The following KLHL32 variants were observed in gnomAD, a reference collection of about 807,000 sequenced individuals.
The protein encoded by KLHL32 is kelch-like protein 32.
A neutral mutation model predicts 64.8 loss-of-function variants in KLHL32; 35 were observed. The observed-to-expected ratio is 0.54, with a 90% CI of 0.41 to 0.72. The LOEUF (loss-of-function observed/expected upper bound fraction) is 0.72. KLHL32 is among the 30% of genes least tolerant of loss of function. The pLI is 0.00. For missense variants in KLHL32, 589 were observed against 768.5 expected (o/e 0.77, Z 2.76); for synonymous variants, 259 against 281.0 (o/e 0.92, Z 0.78).
At chr6:97,057,810 A>C (rs1244488326) in intron 4 of KLHL32, among the ~76,000 whole-genome samples, 2 of 152,070 alleles carry the variant, frequency 1.3e-5, no homozygotes, top group African/African-American at 4.8e-5. Context: ...CTAAAGAGTC[A>C]TTGTCATACC....
chr6:97,068,424 A>G (rs1330827309), intron 5 of KLHL32, among the ~76,000 whole-genome samples: 1 of 152,238 alleles, frequency 6.6e-6, no homozygotes, highest in African/African-American at 2.4e-5. Flanking sequence ...GGCAGTGTGA[A>G]TCCACCAGAA....
chr6:97,039,849 CAAAG>C (rs1456257388), intron 3 of KLHL32, among the ~76,000 whole-genome samples: 3 of 130,310 alleles, frequency 2.3e-5, no homozygotes, highest in East Asian at 2.3e-4. Flanking sequence ...AAACAAAAAA[CAAAG>C]AAAGAAAAGA....
At chr6:97,069,114 C>T (rs988145807) in intron 5 of KLHL32, among the ~76,000 whole-genome samples, 1 of 152,144 alleles carries the variant, frequency 6.6e-6, no homozygotes, top group Non-Finnish European at 1.5e-5. Context: ...GTTCTGTTTA[C>T]AGCGTGCACA....
At chr6:96,925,830 TTC>T (rs927389490) in intron 1 of KLHL32, among the ~76,000 whole-genome samples, 7 of 152,248 alleles carry the variant, frequency 4.6e-5, no homozygotes, top group African/African-American at 1.4e-4. Context: ...TCTGAGAAGA[TTC>T]TGTTTTTTAA....
chr6:96,991,665 A>G (rs985923941), intron 3 of KLHL32, among the ~76,000 whole-genome samples: 1 of 152,050 alleles, frequency 6.6e-6, no homozygotes, highest in African/African-American at 2.4e-5. Context: ...GCTCTGCCTT[A>G]GTGCCTGATC....
chr6:97,115,457 CT>C lies in KLHL32; in HGVS notation c.1354+952del, dbSNP rs557909395. Among the ~76,000 whole-genome samples, 60 of 152,216 alleles carry C rather than the reference CT, an allele frequency of 3.9e-4. 1 individual carries two copies. The South Asian group carries it at 7.3e-3, about 18-fold the overall frequency. On this transcript the variant is annotated intron_variant, in intron 7 of 10. Transcript: ENST00000369261. ...TTACCTTTTCATCTCTTTTGAAAAC[CT>C]TTTGATTATGGAAAAAGTAGGGAGA...
chr6:97,139,023 A>T (rs1219344349), intron 10 of KLHL32, 98 bp from the exon 11 acceptor site: 20 of 1,124,354 alleles, frequency 1.8e-5, no homozygotes, highest in Non-Finnish European at 2.4e-5. Context: ...TGATGGTGAC[A>T]TAACTGAATT....
chr6:97,103,030 T>C (rs533415876), intron 6 of KLHL32, among the ~76,000 whole-genome samples: 106 of 151,276 alleles, frequency 7.0e-4, no homozygotes, highest in Non-Finnish European at 1.2e-3. Flanking sequence ...CTCTACGAGG[T>C]AAATAAATAT....
In KLHL32 at chr6:97,113,775, T is replaced by G. The variant is rs770380434; in HGVS notation, c.628-8T>G. 1 of 1,606,684 alleles carries G rather than the reference T, an allele frequency of 6.2e-7. No homozygotes were observed. Among genetic ancestry groups the G allele is most frequent in the Admixed American group, 1.7e-5 (1 of 59,896 alleles). On this transcript the variant is annotated splice_polypyrimidine_tract_variant and splice_region_variant and intron_variant, in intron 6 of 10. Coordinates refer to ENST00000369261, the MANE Select transcript of KLHL32 (RefSeq NM_052904.4). ...TGTCTCCTCTCATCTCACTTCCCTC[T>G]GTTTCAGCTAGCTGTGAGGTGGTTG... is the stretch of plus-strand genomic sequence containing the variant.
intron 3 of KLHL32, among the ~76,000 whole-genome samples, chr6:96,990,771 T>C (rs1777766091): frequency 6.6e-6 from 1 of 152,074 alleles, no homozygotes; most frequent in African/African-American, 2.4e-5. Flanking sequence ...GGGCGGGGCT[T>C]GCTTGGTGAT....
In KLHL32 at chr6:97,085,312, AC is replaced by A. The variant is rs1489303733; in HGVS notation, c.600del (p.Ser201ProfsTer2). The A allele has an allele frequency of 6.2e-7, 1 of 1,612,442 alleles. No homozygotes were observed. Among genetic ancestry groups the A allele is most frequent in the Non-Finnish European group, 8.5e-7 (1 of 1,179,968 alleles). On this transcript the variant is annotated frameshift_variant, in exon 6 of 11. Transcript: ENST00000369261. LOFTEE classifies it high-confidence loss of function. ...GGAGGTGCTGAAGAGCGACCGCCTG[AC>A]CTCCCTGAGTGAAGAGCAGATCTGG... ...LQEVLKSDRL[T>X]SLSEEQIWQL...
intron 2 of KLHL32, among the ~76,000 whole-genome samples, chr6:96,975,561 G>A (rs570642054): frequency 6.6e-6 from 1 of 152,232 alleles, no homozygotes; most frequent in African/African-American, 2.4e-5. Flanking sequence ...AGGTGGGGAA[G>A]GAATCAGGGA....
intron 1 of KLHL32, among the ~76,000 whole-genome samples, chr6:96,950,406 C>G (rs1265152480): frequency 1.3e-5 from 2 of 151,922 alleles, no homozygotes; most frequent in African/African-American, 4.8e-5. Context: ...GCTGAAGGAA[C>G]TTCACCTCAT....
intron 3 of KLHL32, among the ~76,000 whole-genome samples, chr6:96,979,201 A>G (rs1776028157): frequency 6.6e-6 from 1 of 152,168 alleles, no homozygotes; most frequent in Non-Finnish European, 1.5e-5. Flanking sequence ...TGTCTTTGTC[A>G]TGACATATTT....
At chr6:96,935,677 G>A (rs1770508913) in intron 1 of KLHL32, among the ~76,000 whole-genome samples, 1 of 152,142 alleles carries the variant, frequency 6.6e-6, no homozygotes, top group African/African-American at 2.4e-5. Flanking sequence ...AGTCTAATGT[G>A]TATTTCTAAC....
upstream of KLHL32, among the ~76,000 whole-genome samples, chr6:96,922,274 T>C (rs1365110130): frequency 6.6e-6 from 1 of 152,166 alleles, no homozygotes; most frequent in Non-Finnish European, 1.5e-5. Context: ...GAGCAATCAA[T>C]TGGGACTCAC....
chr6:97,064,664 G>C lies in KLHL32; in HGVS notation c.349G>C (p.Ala117Pro). The C allele has an allele frequency of 4.3e-6, 7 of 1,614,168 alleles. No individual in the cohort carries two copies. The highest frequency in any genetic ancestry group is 5.9e-6 in the Non-Finnish European group (7 of 1,180,018). The stretch of plus-strand genomic sequence containing the variant: ...GCCAGGTGTGATCCAGGATGTGCTA[G>C]CAGCGGGCAGTCACCTACAGCTGTT... ...LEPGVIQDVL[A>P]AGSHLQLLEL... The change falls in exon 5 of 11, where the codon GCA (alanine) becomes CCA (proline). Residue 117 changes from alanine (A) to proline (P), a missense_variant. Physicochemically the swap from Ala to Pro is conservative, Grantham distance 27. Coordinates refer to ENST00000369261, the MANE Select transcript of KLHL32 (RefSeq NM_052904.4).
At chr6:97,044,735 C>G (rs1785659152) in intron 4 of KLHL32, among the ~76,000 whole-genome samples, 1 of 151,876 alleles carries the variant, frequency 6.6e-6, no homozygotes, top group African/African-American at 2.4e-5. Flanking sequence ...TTTATTCAGT[C>G]TTGCTAGGTT....
chr6:97,137,165 A>G (rs1800113607), intron 10 of KLHL32, among the ~76,000 whole-genome samples: 2 of 152,220 alleles, frequency 1.3e-5, no homozygotes, highest in African/African-American at 4.8e-5. Context: ...GGGGCGAAGT[A>G]GTGATACTTG....
Sources: allele counts gnomAD v4.1 joint callset (sites outside exome capture counted in the v4.1 genomes callset), GRCh38; gene constraint gnomAD v4.1.1; transcripts MANE v1.5; gene names NCBI Gene and HGNC (gene_info 2026-07-23, HGNC 2026-07-21).